Variants in CD33 observed in about 807,000 individuals in gnomAD.
CD33 encodes myeloid cell surface antigen CD33.
Under a neutral mutation model 31.4 loss-of-function variants are expected in CD33, and 25 were observed. The ratio of observed to expected loss-of-function variants is 0.80; its 90% CI spans 0.58 to 1.11. The LOEUF (loss-of-function observed/expected upper bound fraction) is 1.11. Among genes scored for constraint, CD33 ranks in the 50% most tolerant of loss-of-function variants. The probability of loss-of-function intolerance (pLI) is 0.00; values close to 1 mark genes in which losing one functional copy is unlikely to be tolerated. For synonymous variants in CD33, 176 were observed against 180.6 expected (o/e 0.97, Z 0.20); for missense variants, 407 against 448.1 (o/e 0.91, Z 0.83).
At chr19:51,220,154 G>T (rs181520988), upstream of CD33, among the ~76,000 whole-genome samples, 28 of 152,224 alleles carry the variant, frequency 1.8e-4, no homozygotes, top group East Asian at 2.1e-3. Context: ...TTTGTTGAGA[G>T]ATTTTTTTCT....
In CD33 at chr19:51,239,547, C is replaced by T. The variant is rs2123337672; in HGVS notation, c.954C>T (p.Gly318=). The T allele has an allele frequency of 1.2e-6, 2 of 1,611,326 alleles. No individual in the cohort carries two copies. Among genetic ancestry groups the T allele is most frequent in the Non-Finnish European group, 1.7e-6 (2 of 1,178,788 alleles). ...ACCAGAAGAAGTCCAAGTTACATGG[C>T]CCCACTGAAACCTCAAGCTGTTCAG... ...PKHQKKSKLH[G]PTETSSCSGA... Residue 318 remains glycine (G), a synonymous_variant, in exon 7 of 7, where the codon GGC becomes GGT. Coordinates refer to ENST00000262262, the MANE Select transcript of CD33 (RefSeq NM_001772.4).
At position 51,233,895 on chromosome 19, in the gene CD33, C is replaced by T. The variant is rs116690968; in HGVS notation, c.746-1262C>T. ...CCACAGGTAACTCTCCACTCCCTTG[C>T]TGCACTACACTACTCTCCCTTCGAC... On this transcript the variant is annotated intron_variant, in intron 4 of 6. Coordinates refer to ENST00000262262, the MANE Select transcript of CD33 (RefSeq NM_001772.4). Among the ~76,000 whole-genome samples the T allele has an allele frequency of 6.7e-3, 1,023 of 152,256 alleles. 6 individuals carry two copies. The highest frequency in any genetic ancestry group is 0.023 in the African/African-American group (956 of 41,532).
At chr19:51,217,410 TTTTG>T in the CD33 span, among the ~76,000 whole-genome samples, 1 of 151,458 alleles carries the variant, frequency 6.6e-6, no homozygotes, top group Non-Finnish European at 1.5e-5. Flanking sequence ...GTTGTTGTTG[TTTTG>T]TTTTTTTTTT....
Position 51,239,789 on chromosome 19 carries a change from G to T in CD33, c.*101G>T. Reference sequence around the variant, plus strand: ...GAGATTTAACACCCCACAGGCAATGGGTTTATAGACATTATGTGAGTTTCC... The same window carrying T: ...GAGATTTAACACCCCACAGGCAATGTGTTTATAGACATTATGTGAGTTTCC... On this transcript the variant is annotated 3_prime_UTR_variant, in exon 7 of 7. Coordinates refer to ENST00000262262, the MANE Select transcript of CD33 (RefSeq NM_001772.4). The T allele has an allele frequency of 2.3e-6, 2 of 874,072 alleles. No individual in the cohort carries two copies. The highest frequency in any genetic ancestry group is 2.7e-5 in the East Asian group (1 of 37,188). 54.1% of individuals were successfully genotyped at this position (874,072 alleles called of 1,614,324 possible).
At position 51,239,523 on chromosome 19, in the gene CD33, C is replaced by G. The variant is rs747473336; in HGVS notation, c.930C>G (p.His310Gln). The change falls in exon 7 of 7, where the codon CAC (histidine) becomes CAG (glutamine). Residue 310 changes from histidine (H) to glutamine (Q), a missense_variant. By Grantham distance (24) the His-to-Gln change is conservative. Coordinates refer to ENST00000262262, the MANE Select transcript of CD33 (RefSeq NM_001772.4). ...CCTTCTTTCCTCTCCATAAGAAACA[C>G]CAGAAGAAGTCCAAGTTACATGGCC... ...HPTTGSASPK[H>Q]QKKSKLHGPT... 6.2e-7 allele frequency: 1 copy of G among 1,601,704 alleles called. No homozygotes were observed.
At chr19:51,224,414 T>G (rs1485386862), upstream of CD33, among the ~76,000 whole-genome samples, 1 of 152,200 alleles carries the variant, frequency 6.6e-6, no homozygotes, top group Non-Finnish European at 1.5e-5. Context: ...CCTCCCTCTG[T>G]GCCCGAGCTG....
At chr19:51,211,981 C>T in the CD33 span, 5 of 1,180,158 alleles carry the variant, frequency 4.2e-6, no homozygotes, top group South Asian at 2.4e-5. Flanking sequence ...ATCCCATGGC[C>T]CCAGGACCAC....
chr19:51,216,223 A>AGTGTGTGTGT, the CD33 span, among the ~76,000 whole-genome samples: 8 of 128,486 alleles, frequency 6.2e-5, no homozygotes, highest in Non-Finnish European at 1.4e-4. Context: ...ATGTCACCCG[A>AGTGTGTGTGT]GTGTGTGTGT....
At chr19:51,224,690 G>A (rs538143371), upstream of CD33, among the ~76,000 whole-genome samples, 1 of 152,202 alleles carries the variant, frequency 6.6e-6, no homozygotes, top group South Asian at 2.1e-4. Context: ...CCTATATCCT[G>A]CTGGACTAAA....
At chr19:51,228,696 T>C (rs1484892398) in intron 4 of CD33, among the ~76,000 whole-genome samples, 5 of 152,166 alleles carry the variant, frequency 3.3e-5, no homozygotes, top group African/African-American at 9.7e-5. Context: ...TTGTTTTGTT[T>C]TGTTTTTGAG....
chr19:51,223,220 A>T (rs1342746208), upstream of CD33, among the ~76,000 whole-genome samples: 1 of 148,198 alleles, frequency 6.7e-6, no homozygotes, highest in African/African-American at 2.5e-5. Flanking sequence ...ACCCTGTCTT[A>T]AAAAAAAAAG....
At chr19:51,226,273 C>A (rs755169244) in intron 3 of CD33, 36 bp from the exon 4 acceptor site, 131 of 1,600,268 alleles carry the variant, frequency 8.2e-5, no homozygotes, top group Non-Finnish European at 1.1e-4. Context: ...CTCATCTCTA[C>A]CCCCAACTGA....
intron 6 of CD33, chr19:51,236,294 G>C: frequency 5.3e-6 from 1 of 188,056 alleles, no homozygotes; most frequent in South Asian, 1.1e-4. Context: ...AGCCTTCACT[G>C]TGGCTTTCAT....
the CD33 span, among the ~76,000 whole-genome samples, chr19:51,213,659 C>A: frequency 2.0e-5 from 3 of 148,900 alleles, no homozygotes; most frequent in Admixed American, 6.6e-5. Flanking sequence ...GCCTCAGCCT[C>A]GCAAGTAGCT....
At chr19:51,234,372 A>C (rs1981632808) in intron 4 of CD33, among the ~76,000 whole-genome samples, 1 of 152,190 alleles carries the variant, frequency 6.6e-6, no homozygotes, top group South Asian at 2.1e-4. Flanking sequence ...AATGACATGA[A>C]TCCACCATGA....
At chr19:51,226,263 C>T (rs372484913) in intron 3 of CD33, 46 bp from the exon 4 acceptor site, 12 of 1,582,574 alleles carry the variant, frequency 7.6e-6, no homozygotes, top group South Asian at 6.6e-5. Flanking sequence ...CTACCCTTAT[C>T]TCATCTCTAC....
At chr19:51,222,304 A>G (rs954764497), upstream of CD33, among the ~76,000 whole-genome samples, 4 of 152,192 alleles carry the variant, frequency 2.6e-5, no homozygotes, top group Non-Finnish European at 5.9e-5. Flanking sequence ...AGGAGTGGTA[A>G]AAAGTCAAAA....
the CD33 span, chr19:51,211,148 G>A: frequency 3.7e-6 from 6 of 1,601,702 alleles, no homozygotes; most frequent in Middle Eastern, 1.7e-4. Context: ...GTGGGCAGGT[G>A]AATGGCTGCG....
upstream of CD33, among the ~76,000 whole-genome samples, chr19:51,221,107 G>A (rs1980668454): frequency 6.6e-6 from 1 of 152,146 alleles, no homozygotes; most frequent in African/African-American, 2.4e-5. Flanking sequence ...TGGACAGAGG[G>A]TGTGAATCAC....
Sources: allele counts gnomAD v4.1 joint callset (sites outside exome capture counted in the v4.1 genomes callset), GRCh38; gene constraint gnomAD v4.1.1; transcripts MANE v1.5; gene names NCBI Gene and HGNC (gene_info 2026-07-23, HGNC 2026-07-21).